DMRT1: variants seen among roughly 807,000 people sequenced by gnomAD.
The protein encoded by DMRT1 is doublesex and mab-3 related transcription factor 1.
In DMRT1, 7 loss-of-function variants were observed where a neutral mutation model predicts 32.3. The ratio of observed to expected loss-of-function variants is 0.22; its 90% CI spans 0.12 to 0.41. The LOEUF is 0.41. DMRT1 is among the 10% of genes least tolerant of loss of function. The probability of loss-of-function intolerance (pLI) is 1.00; values close to 1 mark genes in which losing one functional copy is unlikely to be tolerated. For synonymous variants in DMRT1, 278 were observed against 206.1 expected (o/e 1.35, Z -2.99); for missense variants, 625 against 500.5 (o/e 1.25, Z -2.37).
At chr9:905,513 T>TGG (rs1554754608) in intron 3 of DMRT1, among the ~76,000 whole-genome samples, 2 of 151,654 alleles carry the variant, frequency 1.3e-5, no homozygotes, top group African/African-American at 4.9e-5. Flanking sequence ...TGTGTGTGTG[T>TGG]GGCACTGCAG....
intron 4 of DMRT1, among the ~76,000 whole-genome samples, chr9:957,656 T>C (rs1284369802): frequency 6.6e-6 from 1 of 152,238 alleles, no homozygotes; most frequent in East Asian, 1.9e-4. Flanking sequence ...TGATTGTTTT[T>C]CGATCCGTAG....
chr9:855,429 C>T (rs555943359), intron 2 of DMRT1, among the ~76,000 whole-genome samples: 1 of 152,302 alleles, frequency 6.6e-6, no homozygotes, highest in East Asian at 1.9e-4. Flanking sequence ...TTATCCATTT[C>T]TGTATAGTAC....
chr9:900,610 T>A (rs1293734253), intron 3 of DMRT1, among the ~76,000 whole-genome samples: 3 of 151,784 alleles, frequency 2.0e-5, no homozygotes, highest in Non-Finnish European at 4.4e-5. Flanking sequence ...AAATATGATT[T>A]TAAAATACTC....
chr9:928,112 G>A (rs1346844460), intron 4 of DMRT1, among the ~76,000 whole-genome samples: 1 of 152,150 alleles, frequency 6.6e-6, no homozygotes, highest in Non-Finnish European at 1.5e-5. Context: ...CCAAGAGATT[G>A]ATGGTGTTTT....
At chr9:913,507 AT>A (rs1210734741) in intron 3 of DMRT1, among the ~76,000 whole-genome samples, 1 of 152,240 alleles carries the variant, frequency 6.6e-6, no homozygotes. Flanking sequence ...GTGTATAAAA[AT>A]AAAAAAAGAA....
chr9:842,286 G>A (rs766368473), intron 1 of DMRT1, 94 bp downstream of exon 1: 2 of 1,446,782 alleles, frequency 1.4e-6, no homozygotes, highest in Non-Finnish European at 1.8e-6. Flanking sequence ...CCAGGCTGCA[G>A]TGTAGTGGCG....
intron 4 of DMRT1, among the ~76,000 whole-genome samples, chr9:924,638 C>G (rs569596048): frequency 1.3e-5 from 2 of 152,260 alleles, no homozygotes; most frequent in Admixed American, 1.3e-4. Flanking sequence ...TTGAAATTAG[C>G]TAGACATCAT....
chr9:891,055 C>A (rs541146442), intron 2 of DMRT1, among the ~76,000 whole-genome samples: 1 of 151,952 alleles, frequency 6.6e-6, no homozygotes, highest in South Asian at 2.1e-4. Context: ...AAAAGTGAAA[C>A]AAGGCCAGGT....
rs1820006130 is a variant in DMRT1 at position 968,414 on chromosome 9, TAAAAG to T, written c.*278_*282del. 21 of 387,780 alleles carry T rather than the reference TAAAAG, an allele frequency of 5.4e-5. 2 individuals are homozygous for T. The South Asian group carries it at 5.8e-4, about 11-fold the overall frequency. 24.0% of individuals were successfully genotyped at this position (387,780 alleles called of 1,614,324 possible). A position where few individuals can be genotyped will look rare whatever the true frequency, so the allele number is the denominator to read the frequency against. ...CTGGTTTCATGTAGTTTTCAAGAAATAAAAGAATTCATTCAAGTGAAGCCATTTGT... is the reference window on the plus strand; with the variant it reads ...CTGGTTTCATGTAGTTTTCAAGAAATAATTCATTCAAGTGAAGCCATTTGT... On this transcript the variant is annotated 3_prime_UTR_variant, in exon 5 of 5. Transcript: ENST00000382276.
intron 3 of DMRT1, among the ~76,000 whole-genome samples, chr9:899,020 A>T (rs977581806): frequency 6.6e-5 from 10 of 152,056 alleles, no homozygotes; most frequent in African/African-American, 2.4e-4. Flanking sequence ...AACTATTGTA[A>T]ATGGGATTGT....
chr9:849,606 G>C (rs1455042820), intron 2 of DMRT1, among the ~76,000 whole-genome samples: 1 of 152,200 alleles, frequency 6.6e-6, no homozygotes, highest in Non-Finnish European at 1.5e-5. Context: ...GCAGTAGGGG[G>C]GCAAGATAGA....
chr9:962,869 G>C (rs1048474293), intron 4 of DMRT1, among the ~76,000 whole-genome samples: 1 of 152,038 alleles, frequency 6.6e-6, no homozygotes, highest in Non-Finnish European at 1.5e-5. Flanking sequence ...GCTACAGTAG[G>C]ACCAGACTGT....
At chr9:863,851 C>T (rs1374324639) in intron 2 of DMRT1, among the ~76,000 whole-genome samples, 2 of 152,166 alleles carry the variant, frequency 1.3e-5, no homozygotes, top group South Asian at 4.1e-4. Flanking sequence ...GTATTTTATT[C>T]TCTGAACCAT....
intron 3 of DMRT1, among the ~76,000 whole-genome samples, chr9:915,955 G>C (rs1350421447): frequency 1.3e-5 from 2 of 152,018 alleles, no homozygotes; most frequent in East Asian, 1.9e-4. Context: ...GGATGATCTC[G>C]ATTTCCTGAC....
chr9:915,882 G>A (rs1247628981), intron 3 of DMRT1, among the ~76,000 whole-genome samples: 3 of 151,926 alleles, frequency 2.0e-5, no homozygotes, highest in South Asian at 2.1e-4. Context: ...ACAGGTGCCC[G>A]CCACCACGTC....
chr9:875,180 A>G (rs1161717863), intron 2 of DMRT1, among the ~76,000 whole-genome samples: 3 of 152,080 alleles, frequency 2.0e-5, no homozygotes, highest in African/African-American at 4.8e-5. Flanking sequence ...CCCTTCCCTC[A>G]TTGTAAATTT....
chr9:873,550 C>T (rs1210066040), intron 2 of DMRT1, among the ~76,000 whole-genome samples: 1 of 152,030 alleles, frequency 6.6e-6, no homozygotes, highest in South Asian at 2.1e-4. Context: ...AACTCCCGAC[C>T]TCAGGTGATC....
chr9:954,450 C>A (rs921445479), intron 4 of DMRT1, among the ~76,000 whole-genome samples: 2 of 151,890 alleles, frequency 1.3e-5, no homozygotes, highest in African/African-American at 4.8e-5. Flanking sequence ...TTCAAGAGAG[C>A]AGGATGCAGC....
chr9:844,200 G>A (rs758413524), intron 1 of DMRT1, among the ~76,000 whole-genome samples: 1 of 152,172 alleles, frequency 6.6e-6, no homozygotes, highest in Non-Finnish European at 1.5e-5. Context: ...CACTTAGAAT[G>A]GGAAACTTCA....
Sources: allele counts gnomAD v4.1 joint callset (sites outside exome capture counted in the v4.1 genomes callset), GRCh38; gene constraint gnomAD v4.1.1; transcripts MANE v1.5; gene names NCBI Gene and HGNC (gene_info 2026-07-23, HGNC 2026-07-21).